Variants in PPP1R1C observed in about 807,000 individuals in gnomAD.
PPP1R1C encodes protein phosphatase 1 regulatory subunit 1C.
PPP1R1C carries 15 observed loss-of-function variants against 17.4 expected under a neutral mutation model. The ratio of observed to expected loss-of-function variants is 0.86; its 90% CI spans 0.58 to 1.33. The LOEUF (loss-of-function observed/expected upper bound fraction) is 1.33, where lower values mean the gene tolerates loss of function less well. PPP1R1C is among the 40% of genes most tolerant of loss of function. PPP1R1C has a pLI of 0.00. For synonymous variants in PPP1R1C, 35 were observed against 43.1 expected, an observed-to-expected ratio of 0.81 and a Z score of 0.73; for missense variants, 143 against 130.0, an observed-to-expected ratio of 1.10 and a Z score of -0.48.
chr2:182,130,671 A>G (rs1559105668), downstream of PPP1R1C: 2 of 152,200 alleles, frequency 1.3e-5, no homozygotes, highest in Non-Finnish European at 2.9e-5. Context: ...TTTCTCCTGC[A>G]GCATATATTC....
At chr2:182,103,620 G>C (rs1689162836) in intron 4 of PPP1R1C, 1 of 152,202 alleles carries the variant, frequency 6.6e-6, no homozygotes, top group Non-Finnish European at 1.5e-5. Flanking sequence ...AACTGCCTGT[G>C]AACAAGAATG....
At chr2:182,011,217 G>A (rs371566807) in intron 2 of PPP1R1C, among the ~76,000 whole-genome samples, 2 of 151,918 alleles carry the variant, frequency 1.3e-5, no homozygotes, top group African/African-American at 4.8e-5. Context: ...TAAATGACGG[G>A]TAAAATTCAG....
At chr2:182,009,630 G>C (rs1276840497) in intron 2 of PPP1R1C, among the ~76,000 whole-genome samples, 1 of 151,912 alleles carries the variant, frequency 6.6e-6, no homozygotes, top group Non-Finnish European at 1.5e-5. Flanking sequence ...TTTCTAACTG[G>C]ATATGATTCT....
At chr2:182,098,613 T>A (rs1483296975) in intron 4 of PPP1R1C, among the ~76,000 whole-genome samples, 1 of 152,186 alleles carries the variant, frequency 6.6e-6, no homozygotes, top group Non-Finnish European at 1.5e-5. Context: ...CCTACATTCT[T>A]CTGGTGATCA....
In PPP1R1C at chr2:181,962,133, G is replaced by C. The variant is rs1324374850; in HGVS notation, n.111+7499G>C. The C allele has an allele frequency of 1.4e-5, 10 of 729,426 alleles. No homozygotes were observed. In the Admixed American group the frequency reaches 1.8e-4, roughly 13 times the overall value. 45.2% of individuals were successfully genotyped at this position (729,426 alleles called of 1,614,324 possible). A position where few individuals can be genotyped will look rare whatever the true frequency, so the allele number is the denominator to read the frequency against. On this transcript the variant is annotated intron_variant and non_coding_transcript_variant, in intron 1 of 5. Coordinates refer to the PPP1R1C transcript ENST00000464264. This position sits in a 1 kb window ranked among gnomAD's most constrained non-coding sequence, Gnocchi z 6.0. The stretch of plus-strand genomic sequence containing the variant: ...CTGACCTGGAGTCCCTTCTTCTCCA[G>C]GTGCTCCCGGATTTTGCTCTCCAGC...
chr2:181,967,586 C>A lies in PPP1R1C; in HGVS notation n.112-7633C>A, dbSNP rs1238147501. ...CATTCAGGAGCATATTATTTAATTT[C>A]CATATGTTTGTAAAGTCCCAAAGTT... is the stretch of plus-strand genomic sequence containing the variant. On this transcript the variant is annotated intron_variant and non_coding_transcript_variant, in intron 1 of 5. Transcript: ENST00000464264. This position sits in a 1 kb window ranked among gnomAD's most constrained non-coding sequence, Gnocchi z 5.5. Among the ~76,000 whole-genome samples, 3 of 152,032 alleles carry A rather than the reference C, an allele frequency of 2.0e-5. No individual in the cohort carries two copies. Among genetic ancestry groups the A allele is most frequent in the African/African-American group, 7.2e-5 (3 of 41,380 alleles).
chr2:182,073,123 T>C (rs901785407), intron 4 of PPP1R1C, among the ~76,000 whole-genome samples: 1 of 152,202 alleles, frequency 6.6e-6, no homozygotes, highest in African/African-American at 2.4e-5. Context: ...GTTATTTACA[T>C]AGAGGCGTTT....
intron 4 of PPP1R1C, among the ~76,000 whole-genome samples, chr2:182,082,401 C>T (rs1008080634): frequency 3.3e-5 from 5 of 152,114 alleles, no homozygotes; most frequent in Non-Finnish European, 7.4e-5. Flanking sequence ...CATGGGACAT[C>T]GTCTCTAAAG....
chr2:182,093,606 C>T (rs1369674979), intron 4 of PPP1R1C, among the ~76,000 whole-genome samples: 1 of 152,156 alleles, frequency 6.6e-6, no homozygotes, highest in African/African-American at 2.4e-5. Flanking sequence ...TTAACAGCAC[C>T]CTAGTCACCT....
chr2:181,967,191 G>A lies in PPP1R1C; in HGVS notation n.112-8028G>A, dbSNP rs540097226. Among the ~76,000 whole-genome samples the A allele has an allele frequency of 9.2e-5, 14 of 151,964 alleles. No individual in the cohort carries two copies. Among genetic ancestry groups the A allele is most frequent in the East Asian group, 1.9e-4 (1 of 5,178 alleles). On this transcript the variant is annotated intron_variant and non_coding_transcript_variant, in intron 1 of 5. Transcript: ENST00000464264. The surrounding 1 kb of genome is among the most constrained non-coding windows in gnomAD (Gnocchi z 5.5). ...ATTTTATTTATTTGAGTCTTCTCTC[G>A]TTTTTTGTTAGTAAGTCTGGCTAAA...
intron 2 of PPP1R1C, among the ~76,000 whole-genome samples, chr2:182,013,319 AT>A (rs768936049): frequency 1.8e-4 from 27 of 151,872 alleles, no homozygotes; most frequent in Non-Finnish European, 3.1e-4. Flanking sequence ...AAAAGTTTGC[AT>A]TTTTTCCCCC....
chr2:182,098,456 A>G (rs1377173753), intron 4 of PPP1R1C, among the ~76,000 whole-genome samples: 1 of 152,192 alleles, frequency 6.6e-6, no homozygotes, highest in African/African-American at 2.4e-5. Context: ...ACACTAATCT[A>G]AAGTTATTTA....
At chr2:182,123,307 A>G (rs1226889808) in intron 5 of PPP1R1C, among the ~76,000 whole-genome samples, 1 of 152,226 alleles carries the variant, frequency 6.6e-6, no homozygotes, top group African/African-American at 2.4e-5. Context: ...GTGCCACAAT[A>G]AACATACGTG....
chr2:182,053,736 C>A (rs1303129191), intron 2 of PPP1R1C, among the ~76,000 whole-genome samples: 2 of 151,698 alleles, frequency 1.3e-5, no homozygotes, highest in East Asian at 3.9e-4. Context: ...TAAATCTGCT[C>A]TTTTATATGA....
At chr2:182,120,771 GC>G (rs1689715323), downstream of PPP1R1C, among the ~76,000 whole-genome samples, 1 of 151,928 alleles carries the variant, frequency 6.6e-6, no homozygotes, top group Non-Finnish European at 1.5e-5. Flanking sequence ...AGAAACCAAA[GC>G]TTTTGCTGAT....
intron 5 of PPP1R1C, among the ~76,000 whole-genome samples, chr2:182,123,743 C>G (rs189904459): frequency 6.6e-6 from 1 of 152,048 alleles, no homozygotes; most frequent in Non-Finnish European, 1.5e-5. Flanking sequence ...CTTATAGATT[C>G]TGGATATTAG....
At chr2:181,994,143 T>C (rs1153745) in intron 2 of PPP1R1C, among the ~76,000 whole-genome samples, 151,988 of 152,164 alleles carry the variant, frequency 1, 75,906 homozygotes, top group Middle Eastern at 1. Context: ...ATATAATTTT[T>C]GTGGAATATG....
At chr2:182,044,321 C>T (rs376227833) in intron 2 of PPP1R1C, among the ~76,000 whole-genome samples, 30 of 152,300 alleles carry the variant, frequency 2.0e-4, no homozygotes, top group African/African-American at 7.0e-4. Context: ...ATCCCTGAAT[C>T]ATCTAGTCTT....
At chr2:182,093,694 C>A (rs1035004043) in intron 4 of PPP1R1C, among the ~76,000 whole-genome samples, 1 of 152,138 alleles carries the variant, frequency 6.6e-6, no homozygotes, top group Non-Finnish European at 1.5e-5. Context: ...TTCCACAAAT[C>A]TTTGGCAAAA....
Sources: allele counts gnomAD v4.1 joint callset (sites outside exome capture counted in the v4.1 genomes callset), GRCh38; gene constraint gnomAD v4.1.1; non-coding constraint Gnocchi (gnomAD v3.1); transcripts MANE v1.5; gene names NCBI Gene and HGNC (gene_info 2026-07-23, HGNC 2026-07-21).